The following CYP2J2 variants were observed in gnomAD, a reference collection of about 807,000 sequenced individuals.
The protein encoded by CYP2J2 is cytochrome P450 2J2.
Under a neutral mutation model 48.8 loss-of-function variants are expected in CYP2J2, and 41 were observed. The ratio of observed to expected loss-of-function variants is 0.84; its 90% CI spans 0.66 to 1.09. The LOEUF is 1.09. CYP2J2 is among the 50% of genes least tolerant of loss of function. CYP2J2 has a pLI of 0.00. For synonymous variants in CYP2J2, 221 were observed against 227.1 expected, an observed-to-expected ratio of 0.97 and a Z score of 0.24; for missense variants, 644 against 617.3, an observed-to-expected ratio of 1.04 and a Z score of -0.46.
At chr1:59,965,461 G>C in the CYP2J2 span, among the ~76,000 whole-genome samples, 1 of 152,360 alleles carries the variant, frequency 6.6e-6, no homozygotes, top group African/African-American at 2.4e-5. Flanking sequence ...GAAACACAGA[G>C]CATAAGAGAT....
the CYP2J2 span, among the ~76,000 whole-genome samples, chr1:59,963,787 C>A: frequency 6.6e-6 from 1 of 152,176 alleles, no homozygotes; most frequent in Admixed American, 6.5e-5. Flanking sequence ...GGAAAAACAA[C>A]TCTCTAAGCT....
intron 8 of CYP2J2, among the ~76,000 whole-genome samples, chr1:59,897,107 G>A (rs1644276250): frequency 6.6e-6 from 1 of 152,144 alleles, no homozygotes; most frequent in African/African-American, 2.4e-5. Context: ...TATTATTTGT[G>A]CCTGTTTTCC....
chr1:59,962,580 C>CA, the CYP2J2 span, among the ~76,000 whole-genome samples: 8 of 152,086 alleles, frequency 5.3e-5, no homozygotes, highest in Non-Finnish European at 1.0e-4. Flanking sequence ...TCAAGAAAGA[C>CA]AAAAAATCTG....
the CYP2J2 span, among the ~76,000 whole-genome samples, chr1:59,937,363 G>A: frequency 3.3e-5 from 5 of 152,108 alleles, no homozygotes; most frequent in Non-Finnish European, 5.9e-5. Context: ...AAGGTAGACT[G>A]GCAAATGTAG....
chr1:59,926,735 C>T lies in CYP2J2; in HGVS notation c.12G>A (p.Ala4=). 1 of 1,613,256 alleles carries T rather than the reference C, an allele frequency of 6.2e-7. No homozygotes were observed. The highest frequency in any genetic ancestry group is 1.1e-5 in the South Asian group (1 of 91,032). MLA[A]MGSLAAALWA... is the part of the protein sequence containing the mutation. ...AGAGGGCAGCCGCCAGAGAGCCCAT[C>T]GCCGCGAGCATGGCTCAGACGTCCT... Residue 4 remains alanine (A), a synonymous_variant, in exon 1 of 9, where the codon GCG becomes GCA. Coordinates refer to ENST00000371204, the MANE Select transcript of CYP2J2 (RefSeq NM_000775.4).
the CYP2J2 span, among the ~76,000 whole-genome samples, chr1:59,962,565 A>G: frequency 4.2e-4 from 64 of 152,346 alleles, no homozygotes; most frequent in Middle Eastern, 6.8e-3. Context: ...TAGTCAATTA[A>G]CAATTCAAGA....
chr1:59,959,563 T>C, the CYP2J2 span, among the ~76,000 whole-genome samples: 2 of 152,098 alleles, frequency 1.3e-5, no homozygotes, highest in African/African-American at 4.8e-5. Flanking sequence ...TATATATATA[T>C]GTATGTGTAT....
rs1172548606 is a variant in CYP2J2 at position 59,916,081 on chromosome 1, T to C, written c.230A>G (p.Asn77Ser). The C allele has an allele frequency of 2.5e-6, 4 of 1,608,790 alleles. No individual in the cohort carries two copies. The highest frequency in any genetic ancestry group is 3.4e-6 in the Non-Finnish European group (4 of 1,178,158). ...EVQLFVKKYG[N>S]LFSLELGDIS... Reference sequence around the variant, plus strand: ...GTCACCAAGCTCCAAGCTAAAAAGGTTCCCATATTTCTTCACAAACTGAAA... The same window carrying C: ...GTCACCAAGCTCCAAGCTAAAAAGGCTCCCATATTTCTTCACAAACTGAAA... The change falls in exon 2 of 9, where the codon AAC (asparagine) becomes AGC (serine). Residue 77 changes from asparagine to serine, a missense_variant. Transcript: ENST00000371204.
chr1:59,893,726 C>A lies in CYP2J2; in HGVS notation c.1434G>T (p.Lys478Asn). ...KFTFRPPNNE[K>N]LSLKFRMGIT... The stretch of plus-strand genomic sequence containing the variant: ...TACCCATTCTAAACTTCAGGCTCAG[C>A]TTCTCATTGTTTGGGGGCCTGAAGG... Residue 478 changes from lysine (K) to asparagine (N), a missense_variant, in exon 9 of 9, where the codon AAG becomes AAT. By Grantham distance (94) the Lys-to-Asn change is moderately conservative. Transcript: ENST00000371204. The A allele has an allele frequency of 6.2e-7, 1 of 1,613,272 alleles. No individual in the cohort carries two copies. Among genetic ancestry groups the A allele is most frequent in the Non-Finnish European group, 8.5e-7 (1 of 1,179,656 alleles).
At chr1:59,967,616 G>A in the CYP2J2 span, among the ~76,000 whole-genome samples, 4 of 152,142 alleles carry the variant, frequency 2.6e-5, no homozygotes, top group Non-Finnish European at 5.9e-5. Flanking sequence ...GAGCAAGGCT[G>A]GGCTTTCTAG....
At chr1:59,935,030 A>ATATG in the CYP2J2 span, among the ~76,000 whole-genome samples, 9 of 110,618 alleles carry the variant, frequency 8.1e-5, no homozygotes, top group Non-Finnish European at 1.9e-5. Context: ...ATATATATAT[A>ATATG]TATATATATA....
At chr1:59,932,913 C>A in the CYP2J2 span, among the ~76,000 whole-genome samples, 1 of 152,132 alleles carries the variant, frequency 6.6e-6, no homozygotes. Context: ...GTTGGCCCAG[C>A]TGGTCTCGAA....
the CYP2J2 span, among the ~76,000 whole-genome samples, chr1:59,957,572 C>T: frequency 6.6e-6 from 1 of 152,184 alleles, no homozygotes; most frequent in East Asian, 1.9e-4. Flanking sequence ...GAAATCCTCA[C>T]TTCCCTTCTA....
chr1:59,902,248 T>C (rs1046472480), intron 7 of CYP2J2, among the ~76,000 whole-genome samples: 1 of 152,210 alleles, frequency 6.6e-6, no homozygotes, highest in South Asian at 2.1e-4. Flanking sequence ...AGTGAGTTTT[T>C]TCCTTTGGGC....
upstream of CYP2J2, among the ~76,000 whole-genome samples, chr1:59,928,068 A>G (rs11572183): frequency 5.8e-4 from 88 of 152,322 alleles, 1 homozygote; most frequent in East Asian, 0.014. Flanking sequence ...ATTTATCCTG[A>G]CTGATATATG....
upstream of CYP2J2, among the ~76,000 whole-genome samples, chr1:59,930,706 T>A (rs937952518): frequency 2.0e-5 from 3 of 152,086 alleles, no homozygotes; most frequent in African/African-American, 7.2e-5. Context: ...CAGCCAAGAA[T>A]CTTATATGAA....
chr1:59,896,722 T>G (rs1644273094), intron 8 of CYP2J2, among the ~76,000 whole-genome samples: 1 of 152,172 alleles, frequency 6.6e-6, no homozygotes, highest in South Asian at 2.1e-4. Context: ...GTATTTTTAG[T>G]AGCTTACTTT....
At chr1:59,957,703 C>CA in the CYP2J2 span, among the ~76,000 whole-genome samples, 1,755 of 148,192 alleles carry the variant, frequency 0.012, 26 homozygotes, top group Middle Eastern at 0.038. Flanking sequence ...CACACACACA[C>CA]CACACACACA....
At position 59,893,917 on chromosome 1, in the gene CYP2J2, A is replaced by C. The variant is rs572500514; in HGVS notation, c.1331-88T>G. 104 of 1,342,716 alleles carry C rather than the reference A, an allele frequency of 7.7e-5. No individual in the cohort carries two copies. In the African/African-American group the frequency reaches 1.4e-3, roughly 18 times the overall value. The allele number at this position is 1,342,716 out of a possible 1,614,324, so 83.2% of individuals were successfully genotyped here. On this transcript the variant is annotated intron_variant, in intron 8 of 8. Coordinates refer to ENST00000371204, the MANE Select transcript of CYP2J2 (RefSeq NM_000775.4). ...GCTATCCTCAATCATATCCCCAAAA[A>C]AATGGAGCAGAGGAAGGGCCTGTAG...
Sources: gnomAD v4.1 joint callset for allele counts (sites outside exome capture counted in the v4.1 genomes callset) on GRCh38, gnomAD v4.1.1 for gene constraint, MANE v1.5 for transcripts, NCBI Gene and HGNC (gene_info 2026-07-23, HGNC 2026-07-21) for gene names.